The following ASIC2 variants were observed in gnomAD, a reference collection of about 807,000 sequenced individuals.
ASIC2 encodes the protein acid-sensing ion channel 2.
A neutral mutation model predicts 57.3 loss-of-function variants in ASIC2; 25 were observed. The ratio of observed to expected loss-of-function variants is 0.44; its 90% CI spans 0.32 to 0.61. ASIC2 has a LOEUF of 0.61. ASIC2 is among the 20% of genes least tolerant of loss of function. The pLI is 0.06. For missense variants in ASIC2, 641 were observed against 738.1 expected (o/e 0.87, Z 1.52); for synonymous variants, 319 against 307.5 (o/e 1.04, Z -0.39).
At chr17:33,628,301 T>C (rs541403462) in intron 1 of ASIC2, among the ~76,000 whole-genome samples, 4 of 152,044 alleles carry the variant, frequency 2.6e-5, no homozygotes, top group Non-Finnish European at 4.4e-5. Flanking sequence ...GTCTTTTTTT[T>C]TTTTTGTTGA....
intron 1 of ASIC2, among the ~76,000 whole-genome samples, chr17:33,486,792 C>T (rs1197153648): frequency 6.6e-6 from 1 of 152,180 alleles, no homozygotes; most frequent in Non-Finnish European, 1.5e-5. Flanking sequence ...GCTGTTCCTC[C>T]CACTTCTCAC....
intron 1 of ASIC2, among the ~76,000 whole-genome samples, chr17:33,133,582 T>A (rs953594399): frequency 1.3e-5 from 2 of 152,186 alleles, no homozygotes; most frequent in Non-Finnish European, 2.9e-5. Context: ...CAAATGATTA[T>A]CCCAAAGGAT....
chr17:33,559,727 A>AC (rs1916014235), intron 1 of ASIC2, among the ~76,000 whole-genome samples: 1 of 152,038 alleles, frequency 6.6e-6, no homozygotes, highest in Admixed American at 6.6e-5. Flanking sequence ...TTATTCAATG[A>AC]CCCCTTATTG....
chr17:34,153,276 A>G (rs1027149065), intron 1 of ASIC2, among the ~76,000 whole-genome samples: 3 of 152,204 alleles, frequency 2.0e-5, no homozygotes, highest in African/African-American at 7.2e-5. Context: ...AACTTCTCTA[A>G]TAAGTCAGCC....
At chr17:33,433,194 T>C (rs1486067495) in intron 1 of ASIC2, among the ~76,000 whole-genome samples, 3 of 152,180 alleles carry the variant, frequency 2.0e-5, no homozygotes, top group Non-Finnish European at 4.4e-5. Context: ...ATGTGCTACA[T>C]ATATACCATG....
intron 1 of ASIC2, among the ~76,000 whole-genome samples, chr17:33,304,234 G>T (rs2142197352): frequency 6.6e-6 from 1 of 152,290 alleles, no homozygotes; most frequent in Middle Eastern, 3.4e-3. Flanking sequence ...TGAGTCCAAA[G>T]AGCACATCCA....
intron 1 of ASIC2, among the ~76,000 whole-genome samples, chr17:33,480,562 G>C (rs1913370681): frequency 6.6e-6 from 1 of 152,126 alleles, no homozygotes; most frequent in Non-Finnish European, 1.5e-5. Context: ...TGGAGAGGGA[G>C]GCTGGGTACC....
chr17:33,977,141 A>G (rs1173482311), intron 1 of ASIC2, among the ~76,000 whole-genome samples: 1 of 151,996 alleles, frequency 6.6e-6, no homozygotes, highest in South Asian at 2.1e-4. Flanking sequence ...ATCCGGAGAG[A>G]TATTCCCTAC....
intron 1 of ASIC2, among the ~76,000 whole-genome samples, chr17:33,881,185 C>T (rs1474830255): frequency 1.3e-5 from 2 of 152,174 alleles, no homozygotes; most frequent in Non-Finnish European, 2.9e-5. Context: ...GAAGCATTCC[C>T]TTTGAAAACT....
intron 1 of ASIC2, among the ~76,000 whole-genome samples, chr17:33,222,978 A>ACTCC (rs767143738): frequency 2.0e-5 from 3 of 152,038 alleles, no homozygotes; most frequent in Non-Finnish European, 4.4e-5. Flanking sequence ...CCTTGTTCTC[A>ACTCC]CTAGGGAGTC....
intron 1 of ASIC2, among the ~76,000 whole-genome samples, chr17:33,383,335 C>A (rs1276598906): frequency 6.6e-6 from 1 of 152,146 alleles, no homozygotes; most frequent in Non-Finnish European, 1.5e-5. Flanking sequence ...GGAGGGAAAA[C>A]CATGCCTTGT....
chr17:33,896,600 G>A (rs1915105069), intron 1 of ASIC2, among the ~76,000 whole-genome samples: 1 of 152,220 alleles, frequency 6.6e-6, no homozygotes, highest in South Asian at 2.1e-4. Context: ...CCAATGGCCT[G>A]GCTCCTATCG....
At chr17:33,622,419 TGAGA>T (rs987614935) in intron 1 of ASIC2, among the ~76,000 whole-genome samples, 2 of 152,060 alleles carry the variant, frequency 1.3e-5, no homozygotes, top group Admixed American at 1.3e-4. Context: ...AGACACTCAC[TGAGA>T]GAGAAAGAAT....
rs375575593 is a variant in ASIC2 at position 33,610,054 on chromosome 17, G to GCGCA, written c.556-497988_556-497987insTGCG. ...CTTCACTGGGACCCTGGACAGAGGC[G>GCGCA]CACACACACACACACACACACACAC... is the stretch of plus-strand genomic sequence containing the variant. On this transcript the variant is annotated intron_variant, in intron 1 of 9. Transcript: ENST00000359872. 2.4e-3 allele frequency among the ~76,000 whole-genome samples: 352 copies of GCGCA among 144,842 alleles called. 1 individual carries two copies. The highest frequency in any genetic ancestry group is 8.6e-3 in the African/African-American group (331 of 38,432).
intron 1 of ASIC2, among the ~76,000 whole-genome samples, chr17:33,613,074 G>A (rs142559132): frequency 7.8e-4 from 119 of 152,230 alleles, no homozygotes; most frequent in African/African-American, 2.8e-3. Flanking sequence ...CCTTGGGGTA[G>A]CAGTATATGT....
chr17:33,801,332 C>T (rs75454954), intron 1 of ASIC2, among the ~76,000 whole-genome samples: 55 of 152,280 alleles, frequency 3.6e-4, no homozygotes, highest in African/African-American at 1.3e-3. Flanking sequence ...ACCAGGCTTT[C>T]GTTTTTCACC....
intron 1 of ASIC2, among the ~76,000 whole-genome samples, chr17:33,138,377 A>T (rs2092374064): frequency 6.6e-6 from 1 of 152,174 alleles, no homozygotes; most frequent in South Asian, 2.1e-4. Context: ...ATTATCTAAC[A>T]TTTAAGTACA....
At chr17:33,472,330 C>CT (rs1039464576) in intron 1 of ASIC2, among the ~76,000 whole-genome samples, 1 of 152,108 alleles carries the variant, frequency 6.6e-6, no homozygotes, top group African/African-American at 2.4e-5. Context: ...ACACCAGGGA[C>CT]TTTTTAACAG....
intron 1 of ASIC2, among the ~76,000 whole-genome samples, chr17:33,483,053 G>A (rs547372785): frequency 6.6e-6 from 1 of 152,296 alleles, no homozygotes; most frequent in South Asian, 2.1e-4. Flanking sequence ...GCAGAAGCGG[G>A]AGGGAAGTCT....
Sources: gnomAD v4.1 joint callset for allele counts (sites outside exome capture counted in the v4.1 genomes callset) on GRCh38, gnomAD v4.1.1 for gene constraint, MANE v1.5 for transcripts, NCBI Gene and HGNC (gene_info 2026-07-23, HGNC 2026-07-21) for gene names.